CDH13: variants seen among roughly 807,000 people sequenced by gnomAD.
CDH13 encodes cadherin 13, also known as cadherin-13.
CDH13 carries 24 observed loss-of-function variants against 63.8 expected under a neutral mutation model. That is an observed-to-expected ratio of 0.38 (90% CI 0.27 to 0.53). The LOEUF (loss-of-function observed/expected upper bound fraction) is 0.53. Among genes scored for constraint, CDH13 ranks in the 20% least tolerant of loss-of-function variants. The probability of loss-of-function intolerance (pLI) is 0.85; values close to 1 mark genes in which losing one functional copy is unlikely to be tolerated. For missense variants in CDH13, 1,049 were observed against 903.1 expected (o/e 1.16, Z -2.07); for synonymous variants, 503 against 355.3 (o/e 1.42, Z -4.67).
At chr16:82,790,180 T>G (rs977158354) in intron 1 of CDH13, among the ~76,000 whole-genome samples, 4 of 152,144 alleles carry the variant, frequency 2.6e-5, no homozygotes, top group Non-Finnish European at 5.9e-5. Context: ...CTCATACCTA[T>G]AATCCCAGCC....
At chr16:83,489,418 G>A (rs924292439) in intron 7 of CDH13, among the ~76,000 whole-genome samples, 1 of 152,142 alleles carries the variant, frequency 6.6e-6, no homozygotes, top group South Asian at 2.1e-4. Context: ...TTCTGTGAGG[G>A]TTTCCAGAGT....
intron 2 of CDH13, among the ~76,000 whole-genome samples, chr16:82,906,512 G>A (rs1238391215): frequency 6.6e-6 from 1 of 152,156 alleles, no homozygotes; most frequent in Admixed American, 6.6e-5. Flanking sequence ...TAATGGACTG[G>A]GGAGAATGGA....
At chr16:83,255,347 G>T (rs1406480465) in intron 5 of CDH13, among the ~76,000 whole-genome samples, 1 of 152,168 alleles carries the variant, frequency 6.6e-6, no homozygotes, top group Non-Finnish European at 1.5e-5. Flanking sequence ...TGGTTGCAAG[G>T]AGTGTATTTG....
intron 5 of CDH13, among the ~76,000 whole-genome samples, chr16:83,321,347 A>T (rs2090219235): frequency 6.6e-6 from 1 of 152,168 alleles, no homozygotes; most frequent in Non-Finnish European, 1.5e-5. Flanking sequence ...TATCACAGCA[A>T]GTTGATCAAC....
chr16:83,475,961 C>A (rs2073593377), intron 6 of CDH13, among the ~76,000 whole-genome samples: 1 of 152,124 alleles, frequency 6.6e-6, no homozygotes. Context: ...ACAATAAGCC[C>A]ATTGTTCAGA....
chr16:82,725,461 C>A (rs1355681865), intron 1 of CDH13, among the ~76,000 whole-genome samples: 1 of 152,172 alleles, frequency 6.6e-6, no homozygotes, highest in Non-Finnish European at 1.5e-5. Context: ...TCATGCAACT[C>A]CTCAGAGCCC....
chr16:83,087,466 G>A (rs1187105679), intron 3 of CDH13, among the ~76,000 whole-genome samples: 9 of 151,906 alleles, frequency 5.9e-5, no homozygotes, highest in Non-Finnish European at 1.3e-4. Context: ...TCAGGAGTTC[G>A]AGACCAGCCT....
intron 1 of CDH13, among the ~76,000 whole-genome samples, chr16:82,806,017 G>A (rs1007354800): frequency 5.9e-5 from 9 of 152,116 alleles, no homozygotes; most frequent in African/African-American, 2.2e-4. Flanking sequence ...GAGCTTACAA[G>A]GCACATGGCA....
At chr16:82,787,841 A>T (rs76566426) in intron 1 of CDH13, among the ~76,000 whole-genome samples, 2 of 146,770 alleles carry the variant, frequency 1.4e-5, no homozygotes, top group South Asian at 2.2e-4. Context: ...GAAGGGAGGA[A>T]GTGTGTGTGT....
intron 2 of CDH13, among the ~76,000 whole-genome samples, chr16:83,015,723 A>ATATATATATATATATAT (rs1293160001): frequency 6.4e-5 from 8 of 125,698 alleles, no homozygotes; most frequent in Admixed American, 1.6e-4. Flanking sequence ...ATATATATAT[A>ATATATATATATATATAT]AAGAAAAAGC....
At chr16:83,153,366 C>T (rs1202282383) in intron 4 of CDH13, among the ~76,000 whole-genome samples, 1 of 152,066 alleles carries the variant, frequency 6.6e-6, no homozygotes, top group Non-Finnish European at 1.5e-5. Flanking sequence ...CTGCACAACA[C>T]CTCAAACAAT....
At chr16:83,089,734 A>C (rs929856202) in intron 3 of CDH13, among the ~76,000 whole-genome samples, 1 of 152,188 alleles carries the variant, frequency 6.6e-6, no homozygotes, top group Non-Finnish European at 1.5e-5. Context: ...ACTTTGCTAT[A>C]AGGGCTACAC....
At chr16:83,744,021 T>C (rs1292597589) in intron 10 of CDH13, among the ~76,000 whole-genome samples, 1 of 152,128 alleles carries the variant, frequency 6.6e-6, no homozygotes, top group African/African-American at 2.4e-5. Context: ...TCTCTGATTC[T>C]TGGTTACCTC....
chr16:83,644,408 A>G (rs1911596285), intron 8 of CDH13, among the ~76,000 whole-genome samples: 1 of 152,214 alleles, frequency 6.6e-6, no homozygotes, highest in African/African-American at 2.4e-5. Context: ...TCCCTTTTAT[A>G]AACATTACAG....
chr16:82,717,404 C>A (rs2032448130), intron 1 of CDH13, among the ~76,000 whole-genome samples: 1 of 149,068 alleles, frequency 6.7e-6, no homozygotes. Context: ...CCACTGCACT[C>A]CAGCCTGGGC....
At chr16:83,480,767 C>G (rs948527791) in intron 6 of CDH13, among the ~76,000 whole-genome samples, 1 of 152,148 alleles carries the variant, frequency 6.6e-6, no homozygotes, top group Non-Finnish European at 1.5e-5. Context: ...CAGGAGGCCC[C>G]AAACCCATTC....
intron 1 of CDH13, among the ~76,000 whole-genome samples, chr16:82,794,314 TCG>T (rs2036472932): frequency 7.1e-6 from 1 of 140,752 alleles, no homozygotes; most frequent in Non-Finnish European, 1.6e-5. Context: ...CTCTACAAAC[TCG>T]CCAGCTCTGC....
intron 2 of CDH13, chr16:82,990,445 G>A (rs950424059): frequency 2.0e-5 from 3 of 152,040 alleles, no homozygotes; most frequent in Admixed American, 6.6e-5. Context: ...GGCCCCTCCT[G>A]GACTTACGTT....
rs189003593 is a variant in CDH13 at position 83,070,582 on chromosome 16, G to C, written c.366+38364G>C. Among the ~76,000 whole-genome samples, 1,121 of 152,224 alleles carry C rather than the reference G, an allele frequency of 7.4e-3. 24 individuals are homozygous for C. Among genetic ancestry groups the C allele is most frequent in the African/African-American group, 0.026 (1,078 of 41,538 alleles). On this transcript the variant is annotated intron_variant, in intron 3 of 13. Coordinates refer to ENST00000567109, the MANE Select transcript of CDH13 (RefSeq NM_001257.5). ...AAAAGTTATTTTAGAAGTAAAAGTT[G>C]CTTTAGAAAAGCAAACATGACTAAT...
Sources: allele counts gnomAD v4.1 joint callset (sites outside exome capture counted in the v4.1 genomes callset), GRCh38; gene constraint gnomAD v4.1.1; transcripts MANE v1.5; gene names NCBI Gene and HGNC (gene_info 2026-07-23, HGNC 2026-07-21).